Variants in CRYBG1 observed in about 807,000 individuals in gnomAD.
CRYBG1 encodes the protein beta/gamma crystallin domain-containing protein 1.
CRYBG1 carries 139 observed loss-of-function variants against 189.2 expected under a neutral mutation model. The ratio of observed to expected loss-of-function variants is 0.73; its 90% CI spans 0.64 to 0.85. The LOEUF is 0.85. CRYBG1 is among the 40% of genes least tolerant of loss of function. The pLI is 0.00. For synonymous variants in CRYBG1, 1,023 were observed against 1,017.1 expected, an observed-to-expected ratio of 1.01 and a Z score of -0.11; for missense variants, 2,611 against 2,675.8, an observed-to-expected ratio of 0.98 and a Z score of 0.53.
rs1378053714 is a variant in CRYBG1, at chr6:106,519,412, C to T, written c.2204C>T (p.Pro735Leu). Reference sequence around the variant, plus strand: ...GAGCAACCTGAAAAGAAAGTAATGCCAAACAGTCCCCAGAATGGTGTGCTG... The same window carrying T: ...GAGCAACCTGAAAAGAAAGTAATGCTAAACAGTCCCCAGAATGGTGTGCTG... ...EMEQPEKKVMPNSPQNGVLVK... is the reference protein window; with the variant it reads ...EMEQPEKKVMLNSPQNGVLVK... Residue 735 changes from proline (P) to leucine (L), a missense_variant, in exon 4 of 22, where the codon CCA becomes CTA. Around this residue, in one of 3 missense-constraint regions of CRYBG1, gnomAD observed 1,622 missense variants for 1,735.0 expected, o/e 0.93. Transcript: ENST00000633556. The T allele has an allele frequency of 6.2e-7, 1 of 1,614,054 alleles. No individual in the cohort carries two copies. The highest frequency in any genetic ancestry group is 1.1e-5 in the South Asian group (1 of 91,076).
At chr6:106,375,148 C>G (rs1582727805) in intron 1 of CRYBG1, among the ~76,000 whole-genome samples, 1 of 151,540 alleles carries the variant, frequency 6.6e-6, no homozygotes, top group African/African-American at 2.4e-5. Flanking sequence ...CTTGGGGAAG[C>G]TGAGGCAGGA....
At chr6:106,468,735 A>G (rs1303975007) in intron 2 of CRYBG1, among the ~76,000 whole-genome samples, 3 of 152,340 alleles carry the variant, frequency 2.0e-5, no homozygotes, top group South Asian at 2.1e-4. Context: ...TTACTCTCCC[A>G]GAAAACATGT....
intron 1 of CRYBG1, among the ~76,000 whole-genome samples, chr6:106,447,570 A>ATC (rs1416132059): frequency 2.2e-5 from 3 of 138,868 alleles, no homozygotes; most frequent in Admixed American, 7.4e-5. Flanking sequence ...ATATATATAT[A>ATC]TATCTACTAT....
intron 1 of CRYBG1, among the ~76,000 whole-genome samples, chr6:106,385,279 G>A (rs571727193): frequency 1.3e-4 from 20 of 152,280 alleles, no homozygotes; most frequent in African/African-American, 4.3e-4. Context: ...ACAGACATGG[G>A]TTAAGGGCAT....
At chr6:106,478,547 A>G (rs1249695342) in intron 2 of CRYBG1, among the ~76,000 whole-genome samples, 1 of 152,214 alleles carries the variant, frequency 6.6e-6, no homozygotes, top group African/African-American at 2.4e-5. Context: ...GGTATTTTGT[A>G]TCCCAACATA....
chr6:106,523,521 T>G (rs1773657347), intron 4 of CRYBG1, among the ~76,000 whole-genome samples: 1 of 152,180 alleles, frequency 6.6e-6, no homozygotes, highest in Non-Finnish European at 1.5e-5. Context: ...ATCTTTATAC[T>G]TTTTCTAGGC....
At chr6:106,482,237 T>C (rs542004276) in intron 2 of CRYBG1, among the ~76,000 whole-genome samples, 58 of 152,254 alleles carry the variant, frequency 3.8e-4, no homozygotes, top group Non-Finnish European at 6.5e-4. Flanking sequence ...CAACCTGTGA[T>C]GCTTCAAATC....
chr6:106,456,914 C>T (rs944764431), intron 2 of CRYBG1, among the ~76,000 whole-genome samples: 11 of 152,120 alleles, frequency 7.2e-5, no homozygotes, highest in African/African-American at 2.7e-4. Context: ...TGGCCTAGGA[C>T]ACAATACATC....
At chr6:106,568,380 T>C in intron 21 of CRYBG1, 92 bp from the exon 22 acceptor site, 1 of 1,001,038 alleles carries the variant, frequency 1.0e-6, no homozygotes, top group Non-Finnish European at 1.5e-6. Flanking sequence ...TTTACTTGCT[T>C]ACTTTTGCTG....
At chr6:106,565,709 A>ATAT (rs1774863783) in intron 21 of CRYBG1, among the ~76,000 whole-genome samples, 4 of 152,238 alleles carry the variant, frequency 2.6e-5, no homozygotes, top group Non-Finnish European at 4.4e-5. Context: ...GAAACCAAAC[A>ATAT]GTAACATATA....
At chr6:106,540,201 C>T (rs1274539838) in intron 9 of CRYBG1, among the ~76,000 whole-genome samples, 1 of 152,134 alleles carries the variant, frequency 6.6e-6, no homozygotes, top group Non-Finnish European at 1.5e-5. Context: ...AGACTGTCAG[C>T]TTTGGGAGGA....
intron 2 of CRYBG1, among the ~76,000 whole-genome samples, chr6:106,479,453 A>G (rs1772399693): frequency 6.6e-6 from 1 of 152,240 alleles, no homozygotes; most frequent in Admixed American, 6.5e-5. Context: ...ACATTAGCTC[A>G]TAAAACTGGA....
chr6:106,517,131 T>C (rs1773442112), intron 3 of CRYBG1, among the ~76,000 whole-genome samples: 1 of 150,564 alleles, frequency 6.6e-6, no homozygotes, highest in Non-Finnish European at 1.5e-5. Flanking sequence ...ACCTCTGCCT[T>C]TGGAATAGCT....
At chr6:106,437,740 CT>C (rs1771488513) in intron 1 of CRYBG1, among the ~76,000 whole-genome samples, 1 of 152,156 alleles carries the variant, frequency 6.6e-6, no homozygotes, top group African/African-American at 2.4e-5. Flanking sequence ...CCTAGCCTTT[CT>C]TTTTTATTTC....
rs374266954 is a variant in CRYBG1, at chr6:106,512,425, G to A, written c.1308G>A (p.Glu436=). The A allele has an allele frequency of 6.2e-7, 1 of 1,609,248 alleles. No homozygotes were observed. The highest frequency in any genetic ancestry group is 1.3e-5 in the African/African-American group (1 of 74,914). ...CCGACTCCCCCGGCGCGGACGCCGA[G>A]CTCCCTGAGAGCGCTGCCAGGGACG... ...KSTDSPGADA[E]LPESAARDDA... is the part of the protein sequence containing the mutation. The change falls in exon 3 of 22, where the codon GAG becomes GAA. Residue 436 remains glutamate, a synonymous_variant. Transcript: ENST00000633556.
chr6:106,395,897 G>A lies in CRYBG1; in HGVS notation c.173+34816G>A, dbSNP rs540495926. 3.3e-5 allele frequency among the ~76,000 whole-genome samples: 5 copies of A among 152,228 alleles called. No homozygotes were observed. In the East Asian group the frequency reaches 9.6e-4, roughly 29 times the overall value. ...ACCCTGAGCTCTAGGCAAATGACAA[G>A]CCCTAGGCAAATGATAACACTTAGC... On this transcript the variant is annotated intron_variant, in intron 1 of 21. Transcript: ENST00000633556.
chr6:106,512,637 C>T lies in CRYBG1; in HGVS notation c.1520C>T (p.Pro507Leu), dbSNP rs1343737742. ...RGESDRSKQP[P>L]PASSPTKRKG... ...GAGTCGGACCGGAGCAAACAGCCACCCCCGGCTTCGTCCCCCACGAAGAGG... is the reference window on the plus strand; with the variant it reads ...GAGTCGGACCGGAGCAAACAGCCACTCCCGGCTTCGTCCCCCACGAAGAGG... The change falls in exon 3 of 22, where the codon CCC becomes CTC. Residue 507 changes from proline to leucine, a missense_variant. This residue lies in a region of CRYBG1 where 985 missense variants were observed against 924.4 expected (regional missense o/e 1.07). Coordinates refer to ENST00000633556, the MANE Select transcript of CRYBG1 (RefSeq NM_001371242.2). 4 of 1,591,126 alleles carry T rather than the reference C, an allele frequency of 2.5e-6. No individual in the cohort carries two copies. Among genetic ancestry groups the T allele is most frequent in the African/African-American group, 2.7e-5 (2 of 74,754 alleles).
At chr6:106,422,344 A>ATTTATTTATTTTTTTATTTTTTTT (rs57640822) in intron 1 of CRYBG1, among the ~76,000 whole-genome samples, 1 of 139,928 alleles carries the variant, frequency 7.1e-6, no homozygotes. Flanking sequence ...TTATTTATTT[A>ATTTATTTATTTTTTTATTTTTTTT]TTTTTGAGAC....
chr6:106,401,034 A>G (rs965971294), intron 1 of CRYBG1, among the ~76,000 whole-genome samples: 1 of 152,248 alleles, frequency 6.6e-6, no homozygotes, highest in African/African-American at 2.4e-5. Context: ...GACAGTGTCC[A>G]GCAGACACTA....
Sources: allele counts gnomAD v4.1 joint callset (sites outside exome capture counted in the v4.1 genomes callset), GRCh38; gene constraint gnomAD v4.1.1; regional missense constraint gnomAD v4.1.1; transcripts MANE v1.5; gene names NCBI Gene and HGNC (gene_info 2026-07-23, HGNC 2026-07-21).